ATRN: variants seen among roughly 807,000 people sequenced by gnomAD.
ATRN encodes the protein attractin-2.
Under a neutral mutation model 178.7 loss-of-function variants are expected in ATRN, and 54 were observed. That is an observed-to-expected ratio of 0.30 (90% CI 0.24 to 0.38). The LOEUF (loss-of-function observed/expected upper bound fraction) is 0.38. ATRN is among the 10% of genes least tolerant of loss of function. The probability of loss-of-function intolerance (pLI) is 1.00; values close to 1 mark genes in which losing one functional copy is unlikely to be tolerated. For missense variants in ATRN, 1,443 were observed against 1,815.1 expected (o/e 0.79, Z 3.73); for synonymous variants, 636 against 663.0 (o/e 0.96, Z 0.63).
At position 3,540,624 on chromosome 20, in the gene ATRN, T is replaced by G. The variant is rs1165437164; in HGVS notation, c.608+289T>G. On this transcript the variant is annotated intron_variant, in intron 3 of 28. Transcript: ENST00000262919. ...TGCTCCTTGTGGTGGTGGTGAAGTT[T>G]ATCATTACAAAATGTTTTGAGAGTG... 2.0e-5 allele frequency among the ~76,000 whole-genome samples: 3 copies of G among 152,238 alleles called. No individual in the cohort carries two copies. In the East Asian group the frequency reaches 5.8e-4, roughly 29 times the overall value.
intron 24 of ATRN, among the ~76,000 whole-genome samples, chr20:3,621,062 A>C (rs1442710330): frequency 6.6e-6 from 1 of 152,158 alleles, no homozygotes; most frequent in Non-Finnish European, 1.5e-5. Flanking sequence ...CAATTCTTCC[A>C]GTGTGGCCTA....
intron 1 of ATRN, among the ~76,000 whole-genome samples, chr20:3,518,620 T>C (rs1448374130): frequency 6.6e-6 from 1 of 152,178 alleles, no homozygotes; most frequent in East Asian, 1.9e-4. Context: ...TAAAGCTCAA[T>C]AAAACTCTTA....
intron 26 of ATRN, among the ~76,000 whole-genome samples, chr20:3,637,089 T>G (rs1220209538): frequency 1.3e-5 from 2 of 152,210 alleles, no homozygotes; most frequent in African/African-American, 4.8e-5. Context: ...GGAAAAAGAT[T>G]AAAATATATA....
chr20:3,575,019 G>A (rs1300907008), intron 12 of ATRN, among the ~76,000 whole-genome samples: 2 of 151,232 alleles, frequency 1.3e-5, no homozygotes, highest in Non-Finnish European at 2.9e-5. Flanking sequence ...GTGCAGTGGC[G>A]CAATTTCAGC....
At chr20:3,637,854 G>A (rs1393293828) in intron 26 of ATRN, among the ~76,000 whole-genome samples, 1 of 152,146 alleles carries the variant, frequency 6.6e-6, no homozygotes, top group Non-Finnish European at 1.5e-5. Flanking sequence ...CCGAGCCCCT[G>A]TTTGTCCCTC....
intron 11 of ATRN, among the ~76,000 whole-genome samples, chr20:3,571,610 A>G (rs1005971609): frequency 6.8e-6 from 1 of 148,140 alleles, no homozygotes; most frequent in African/African-American, 2.5e-5. Flanking sequence ...CTACCTCAGT[A>G]TAGTTTTAAT....
At chr20:3,643,199 A>G (rs373016278) in intron 27 of ATRN, among the ~76,000 whole-genome samples, 2 of 152,336 alleles carry the variant, frequency 1.3e-5, no homozygotes, top group Non-Finnish European at 1.5e-5. Flanking sequence ...ACTTGACTTC[A>G]GCCTGAGAGA....
At chr20:3,504,433 T>C (rs1036213122) in intron 1 of ATRN, among the ~76,000 whole-genome samples, 3 of 151,152 alleles carry the variant, frequency 2.0e-5, no homozygotes, top group Admixed American at 2.0e-4. Flanking sequence ...CCCAACACTT[T>C]AGGAGGCCGA....
intron 1 of ATRN, among the ~76,000 whole-genome samples, chr20:3,529,855 A>G (rs1347564630): frequency 6.6e-6 from 1 of 152,198 alleles, no homozygotes; most frequent in Non-Finnish European, 1.5e-5. Flanking sequence ...TATAGCAGTC[A>G]CTAAACTAAA....
In ATRN at chr20:3,638,635, A is replaced by G. The variant is rs1047695715; in HGVS notation, c.3943-193A>G. Among the ~76,000 whole-genome samples the G allele has an allele frequency of 6.6e-6, 1 of 152,234 alleles. No individual in the cohort carries two copies. Among genetic ancestry groups the G allele is most frequent in the African/African-American group, 2.4e-5 (1 of 41,456 alleles). ...TCTGACAGGGGCTTTTAAAAAATAT[A>G]AGGACAATGGTGTTATCACATCCAA... On this transcript the variant is annotated intron_variant, in intron 26 of 28. Transcript: ENST00000262919. The surrounding 1 kb of genome is among the most constrained non-coding windows in gnomAD (Gnocchi z 4.5).
intron 1 of ATRN, chr20:3,490,121 CAA>C (rs1286087088): frequency 5.7e-5 from 84 of 1,477,694 alleles, no homozygotes; most frequent in Middle Eastern, 4.5e-4. Context: ...TTTTGGCAAA[CAA>C]AGAGTTATCA....
intron 1 of ATRN, among the ~76,000 whole-genome samples, chr20:3,494,342 A>G (rs2084848366): frequency 6.6e-6 from 1 of 152,132 alleles, no homozygotes; most frequent in Non-Finnish European, 1.5e-5. Flanking sequence ...CAGACCTTGC[A>G]TGTTGTGCTA....
chr20:3,650,431 C>G lies in ATRN; in HGVS notation c.*3584C>G, dbSNP rs981300720. ...TCACACCCCTGTCATCCCAGGAGATCTTTCCTTGTGGTGGTTTCTGTGAGA... is the reference window on the plus strand; with the variant it reads ...TCACACCCCTGTCATCCCAGGAGATGTTTCCTTGTGGTGGTTTCTGTGAGA... On this transcript the variant is annotated 3_prime_UTR_variant, in exon 29 of 29. Transcript: ENST00000262919. 1 of 152,622 alleles carries G rather than the reference C, an allele frequency of 6.6e-6. No individual in the cohort carries two copies. Among genetic ancestry groups the G allele is most frequent in the Non-Finnish European group, 1.5e-5 (1 of 68,046 alleles). The allele number at this position is 152,622 out of a possible 1,614,324, so 9.5% of individuals were successfully genotyped here.
In ATRN at chr20:3,612,322, A is replaced by G. The variant is rs189902979; in HGVS notation, c.3801+8060A>G. Among the ~76,000 whole-genome samples the G allele has an allele frequency of 3.9e-3, 587 of 152,370 alleles. 8 individuals are homozygous for G. Among genetic ancestry groups the G allele is most frequent in the African/African-American group, 0.013 (555 of 41,594 alleles). On this transcript the variant is annotated intron_variant, in intron 24 of 28. Transcript: ENST00000262919. ...TATAACATTTGAAAATGAAAATTTT[A>G]GATCTTATATACCTATGCACATATT...
chr20:3,527,932 T>G (rs2085392642), intron 1 of ATRN, among the ~76,000 whole-genome samples: 4 of 136,834 alleles, frequency 2.9e-5, no homozygotes, highest in Admixed American at 7.5e-5. Flanking sequence ...GGTGGGGGGC[T>G]AGGGGAGGGA....
chr20:3,565,526 G>A (rs1236609395), intron 11 of ATRN, 94 bp downstream of exon 11: 16 of 1,018,088 alleles, frequency 1.6e-5, no homozygotes, highest in Non-Finnish European at 2.4e-5. Flanking sequence ...CTGGCACTTT[G>A]GGAGGCCGAG....
chr20:3,563,276 C>A lies in ATRN; in HGVS notation c.1699C>A (p.Leu567Met), dbSNP rs2085980031. 1.9e-6 allele frequency: 3 copies of A among 1,613,980 alleles called. No individual in the cohort carries two copies. Among genetic ancestry groups the A allele is most frequent in the Non-Finnish European group, 2.5e-6 (3 of 1,179,958 alleles). The change falls in exon 10 of 29, where the codon CTG becomes ATG. Residue 567 changes from leucine (L) to methionine (M), a missense_variant. By Grantham distance (15) the Leu-to-Met change is conservative. Transcript: ENST00000262919. ...HTAVIVSGTM[L>M]VFGGNTHNDT... is the part of the protein sequence containing the mutation. ...AGCTGTGATAGTGAGTGGAACCATG[C>A]TGGTGTTTGGAGGAAACACACACAA...
At position 3,610,742 on chromosome 20, in the gene ATRN, CTTTTTTTTTTTTT is replaced by C. The variant is rs71195847; in HGVS notation, c.3801+6493_3801+6505del. Reference sequence around the variant, plus strand: ...TGCATACCACCATGCCTGGCTAATTCTTTTTTTTTTTTTTTTTTTTTTTTTGGTAGAGATGAGA... The same window carrying C: ...TGCATACCACCATGCCTGGCTAATTCTTTTTTTTTTTTGGTAGAGATGAGA... On this transcript the variant is annotated intron_variant, in intron 24 of 28. Coordinates refer to ENST00000262919, the MANE Select transcript of ATRN (RefSeq NM_139321.3). Among the ~76,000 whole-genome samples, 350 of 65,308 alleles carry C rather than the reference CTTTTTTTTTTTTT, an allele frequency of 5.4e-3. 10 individuals are homozygous for C. The highest frequency in any genetic ancestry group is 2.4e-3 in the Non-Finnish European group (87 of 35,612). The allele number at this position is 65,308 out of a possible 152,430, so 42.8% of individuals were successfully genotyped here. A position where few individuals can be genotyped will look rare whatever the true frequency, so the allele number is the denominator to read the frequency against.
rs35265454 is a variant in ATRN, at chr20:3,542,801, AT to A, written c.608+2484del. On this transcript the variant is annotated intron_variant, in intron 3 of 28. Transcript: ENST00000262919. ...AACACTATGCCCAGCTAATTTTTGT[AT>A]TTTTTTTTTTTTTTTTTGTAGAGAC... is the stretch of plus-strand genomic sequence containing the variant. Among the ~76,000 whole-genome samples, 562 of 130,472 alleles carry A rather than the reference AT, an allele frequency of 4.3e-3. 2 individuals are homozygous for A. Among genetic ancestry groups the A allele is most frequent in the African/African-American group, 0.011 (365 of 34,512 alleles). The allele number at this position is 130,472 out of a possible 152,430, so 85.6% of individuals were successfully genotyped here. A position where few individuals can be genotyped will look rare whatever the true frequency, so the allele number is the denominator to read the frequency against.
Sources: allele counts gnomAD v4.1 joint callset (sites outside exome capture counted in the v4.1 genomes callset), GRCh38; gene constraint gnomAD v4.1.1; non-coding constraint Gnocchi (gnomAD v3.1); transcripts MANE v1.5; gene names NCBI Gene and HGNC (gene_info 2026-07-23, HGNC 2026-07-21).